The following ATP2C2 variants were observed in gnomAD, a reference collection of about 807,000 sequenced individuals.
ATP2C2 encodes ATPase secretory pathway Ca2+ transporting 2, also known as calcium-transporting ATPase type 2C member 2.
ATP2C2 carries 171 observed loss-of-function variants against 110.8 expected under a neutral mutation model. The ratio of observed to expected loss-of-function variants is 1.54; its 90% CI spans 1.36 to 1.75. The LOEUF (loss-of-function observed/expected upper bound fraction) is 1.75. ATP2C2 is among the 40% of genes most tolerant of loss of function. The probability of loss-of-function intolerance (pLI) is 0.00; values close to 1 mark genes in which losing one functional copy is unlikely to be tolerated. For synonymous variants in ATP2C2, 804 were observed against 508.4 expected (o/e 1.58, Z -7.82); for missense variants, 1,963 against 1,235.0 (o/e 1.59, Z -8.84).
chr16:84,414,262 C>G (rs1170385763), intron 6 of ATP2C2, among the ~76,000 whole-genome samples: 1 of 152,182 alleles, frequency 6.6e-6, no homozygotes, highest in Non-Finnish European at 1.5e-5. Flanking sequence ...TATATTGTCT[C>G]ATAGCCAGGG....
intron 11 of ATP2C2, among the ~76,000 whole-genome samples, chr16:84,437,002 T>A (rs929614305): frequency 6.6e-6 from 1 of 152,140 alleles, no homozygotes; most frequent in Non-Finnish European, 1.5e-5. Flanking sequence ...CCTCAGGTGA[T>A]CGAGGCGCCT....
chr16:84,411,957 C>A lies in ATP2C2; in HGVS notation c.515+1192C>A, dbSNP rs187548686. On this transcript the variant is annotated intron_variant, in intron 6 of 26. Coordinates refer to ENST00000262429, the MANE Select transcript of ATP2C2 (RefSeq NM_014861.4). Reference sequence around the variant, plus strand: ...TCCTTTCTTTTCTTTTCTTTCTTTTCTTTCTTTCCTTTCTCTTCTTTCTTT... The same window carrying A: ...TCCTTTCTTTTCTTTTCTTTCTTTTATTTCTTTCCTTTCTCTTCTTTCTTT... Among the ~76,000 whole-genome samples, 18 of 150,462 alleles carry A rather than the reference C, an allele frequency of 1.2e-4. No individual in the cohort carries two copies. The East Asian group carries it at 3.3e-3, about 28-fold the overall frequency.
At chr16:84,376,823 C>T (rs918875706) in intron 1 of ATP2C2, among the ~76,000 whole-genome samples, 1 of 152,218 alleles carries the variant, frequency 6.6e-6, no homozygotes, top group African/African-American at 2.4e-5. Flanking sequence ...CATGAAGCCT[C>T]AAGGCCAACA....
chr16:84,398,502 G>A lies in ATP2C2; in HGVS notation c.103G>A (p.Asp35Asn). The A allele has an allele frequency of 6.2e-7, 1 of 1,606,772 alleles. No homozygotes were observed. Among genetic ancestry groups the A allele is most frequent in the Non-Finnish European group, 8.5e-7 (1 of 1,177,098 alleles). The change falls in exon 2 of 27, where the codon GAT becomes AAT. Residue 35 changes from aspartate (D) to asparagine (N), a missense_variant. Asp to Asn is a conservative substitution (Grantham distance 23, BLOSUM62 1). Coordinates refer to ENST00000262429, the MANE Select transcript of ATP2C2 (RefSeq NM_014861.4). ...LEKDEEEALI[D>N]EQSELKAIEK... ...AGCAACCCTGCTCTTTTCACAGATT[G>A]ATGAACAGAGTGAGCTGAAAGCCAT... is the stretch of plus-strand genomic sequence containing the variant.
At chr16:84,433,365 A>G (rs1466343247) in intron 11 of ATP2C2, among the ~76,000 whole-genome samples, 1 of 151,934 alleles carries the variant, frequency 6.6e-6, no homozygotes, top group East Asian at 1.9e-4. Flanking sequence ...CCTGGGCAAC[A>G]CAGCAAGACC....
At chr16:84,414,802 G>A (rs146758051) in intron 6 of ATP2C2, among the ~76,000 whole-genome samples, 42 of 152,302 alleles carry the variant, frequency 2.8e-4, no homozygotes, top group African/African-American at 8.2e-4. Flanking sequence ...CTGGCTGGCC[G>A]TGGAGGAGAT....
intron 11 of ATP2C2, among the ~76,000 whole-genome samples, chr16:84,432,652 C>G (rs929806472): frequency 6.6e-6 from 1 of 152,086 alleles, no homozygotes; most frequent in Non-Finnish European, 1.5e-5. Context: ...TCCCAAGTAG[C>G]TGAGATTACA....
chr16:84,408,262 C>T (rs758671617), intron 3 of ATP2C2, 143 bp from the exon 4 acceptor site: 93 of 741,924 alleles, frequency 1.3e-4, no homozygotes, highest in Non-Finnish European at 2.0e-4. Flanking sequence ...GGGGTGGTCT[C>T]CCCAGCCCTC....
intron 1 of ATP2C2, among the ~76,000 whole-genome samples, chr16:84,391,563 G>C (rs557507186): frequency 1.9e-4 from 29 of 152,326 alleles, no homozygotes; most frequent in Non-Finnish European, 3.8e-4. Flanking sequence ...AGACGCTTGG[G>C]AATATAGCCA....
At chr16:84,428,988 C>G (rs796696658) in intron 11 of ATP2C2, among the ~76,000 whole-genome samples, 3 of 152,160 alleles carry the variant, frequency 2.0e-5, no homozygotes, top group African/African-American at 7.2e-5. Flanking sequence ...CCCAGGTTCT[C>G]GGTTTGTTTT....
intron 2 of ATP2C2, among the ~76,000 whole-genome samples, chr16:84,402,090 A>C (rs978671415): frequency 6.6e-6 from 1 of 151,558 alleles, no homozygotes; most frequent in Non-Finnish European, 1.5e-5. Context: ...GCTGTGGTAA[A>C]TGGGATTACT....
At chr16:84,377,636 A>G (rs954153113) in intron 1 of ATP2C2, among the ~76,000 whole-genome samples, 7 of 152,112 alleles carry the variant, frequency 4.6e-5, no homozygotes, top group South Asian at 4.1e-4. Flanking sequence ...CAATGACATC[A>G]TTTAGCTGTA....
intron 1 of ATP2C2, among the ~76,000 whole-genome samples, chr16:84,378,782 G>A (rs1223318497): frequency 6.6e-6 from 1 of 152,184 alleles, no homozygotes; most frequent in Non-Finnish European, 1.5e-5. Flanking sequence ...CAAGAAGGCG[G>A]CAGCAGAGAT....
chr16:84,396,221 GGC>G (rs1462603075), intron 1 of ATP2C2, among the ~76,000 whole-genome samples: 7 of 102,978 alleles, frequency 6.8e-5, no homozygotes, highest in African/African-American at 1.5e-4. Context: ...TCAAGCATCG[GGC>G]GTGTGTGTGT....
Position 84,386,592 on chromosome 16 carries a change from T to C in ATP2C2, c.100-11907T>C, listed in dbSNP as rs141138035. The stretch of plus-strand genomic sequence containing the variant: ...CTCACTTTGTCCTGTTGCTAGCTCC[T>C]TGCTCGCTGGTGTCACACTCCCACT... On this transcript the variant is annotated intron_variant, in intron 1 of 26. Coordinates refer to ENST00000262429, the MANE Select transcript of ATP2C2 (RefSeq NM_014861.4). Among the ~76,000 whole-genome samples, 470 of 152,280 alleles carry C rather than the reference T, an allele frequency of 3.1e-3. 3 individuals are homozygous for C. Among genetic ancestry groups the C allele is most frequent in the African/African-American group, 0.011 (462 of 41,558 alleles).
At position 84,460,734 on chromosome 16, in the gene ATP2C2, T is replaced by C. The variant is rs150337815; in HGVS notation, c.2414T>C (p.Leu805Pro). ...SVRDTILSRA[L>P]ILKILMSAAI... is the part of the protein sequence containing the mutation. ...CGGGACACCATCCTCAGCAGAGCCC[T>C]CATCCTGAAGATCCTCATGTCCGCG... The change falls in exon 24 of 27, where the codon CTC (leucine) becomes CCC (proline). Residue 805 changes from leucine (L) to proline (P), a missense_variant. Coordinates refer to ENST00000262429, the MANE Select transcript of ATP2C2 (RefSeq NM_014861.4). The C allele has an allele frequency of 1.9e-6, 3 of 1,614,138 alleles. No homozygotes were observed. The highest frequency in any genetic ancestry group is 2.5e-6 in the Non-Finnish European group (3 of 1,180,002).
At chr16:84,427,130 C>T (rs1042907860) in intron 11 of ATP2C2, among the ~76,000 whole-genome samples, 2 of 152,194 alleles carry the variant, frequency 1.3e-5, no homozygotes, top group Non-Finnish European at 2.9e-5. Context: ...CAGTAACGCA[C>T]ACGCAGCTGC....
chr16:84,455,506 T>G (rs1238131636), intron 21 of ATP2C2, among the ~76,000 whole-genome samples: 2 of 152,206 alleles, frequency 1.3e-5, no homozygotes, highest in Admixed American at 1.3e-4. Flanking sequence ...TTCTGGGGCT[T>G]GCACAAAACT....
intron 2 of ATP2C2, among the ~76,000 whole-genome samples, chr16:84,400,307 A>T (rs898971191): frequency 6.6e-5 from 10 of 150,960 alleles, no homozygotes; most frequent in African/African-American, 2.4e-4. Context: ...GGATCATATA[A>T]TAGTTGTATT....
Sources: allele counts gnomAD v4.1 joint callset (sites outside exome capture counted in the v4.1 genomes callset), GRCh38; gene constraint gnomAD v4.1.1; transcripts MANE v1.5; gene names NCBI Gene and HGNC (gene_info 2026-07-23, HGNC 2026-07-21).